RMDN1: variants seen among roughly 807,000 people sequenced by gnomAD.
RMDN1 encodes the protein regulator of microtubule dynamics protein 1.
In RMDN1, 48 loss-of-function variants were observed where a neutral mutation model predicts 48.9. The ratio of observed to expected loss-of-function variants is 0.98; its 90% CI spans 0.78 to 1.25. RMDN1 has a LOEUF of 1.25. Ranked by LOEUF, RMDN1 falls within the 50% of genes most tolerant of loss-of-function variation. The probability of loss-of-function intolerance (pLI) is 0.00; values close to 1 mark genes in which losing one functional copy is unlikely to be tolerated. For missense variants in RMDN1, 418 were observed against 373.4 expected (o/e 1.12, Z -0.98); for synonymous variants, 148 against 132.6 (o/e 1.12, Z -0.80).
intron 2 of RMDN1, chr8:86,504,965 G>C: frequency 7.3e-7 from 1 of 1,378,162 alleles, no homozygotes; most frequent in Non-Finnish European, 1.0e-6. Context: ...ATATCACATG[G>C]GCCTTTAAAA....
chr8:86,480,710 G>T (rs978763376), intron 5 of RMDN1, among the ~76,000 whole-genome samples: 1 of 152,064 alleles, frequency 6.6e-6, no homozygotes, highest in South Asian at 2.1e-4. Context: ...AACTGTAGAT[G>T]AATACTGAAT....
upstream of RMDN1, among the ~76,000 whole-genome samples, chr8:86,510,346 A>G (rs887989175): frequency 6.6e-6 from 1 of 152,178 alleles, no homozygotes; most frequent in Non-Finnish European, 1.5e-5. Flanking sequence ...TTAATTCCCA[A>G]TACTGTCCTT....
intron 2 of RMDN1, among the ~76,000 whole-genome samples, chr8:86,506,201 C>A (rs557242713): frequency 2.3e-4 from 35 of 152,284 alleles, no homozygotes; most frequent in Middle Eastern, 3.4e-3. Flanking sequence ...GGTAGAGATT[C>A]ATTATTTCTC....
rs1374751932 is a variant in RMDN1, at chr8:86,486,626, A to G, written c.353T>C (p.Leu118Pro). Reference protein sequence around the residue: ...QYKESEDAELLWRLARASRDV... With the variant: ...QYKESEDAELPWRLARASRDV... ...ACGTGATGCCCGTGCCAAACGCCAC[A>G]GTAACTCTGCATCTTCACTAATTTG... The change falls in exon 4 of 10, where the codon CTG becomes CCG. Residue 118 changes from leucine (L) to proline (P), a missense_variant. Coordinates refer to ENST00000406452, the MANE Select transcript of RMDN1 (RefSeq NM_016033.3). 2.5e-6 allele frequency: 4 copies of G among 1,591,824 alleles called. No individual in the cohort carries two copies. Among genetic ancestry groups the G allele is most frequent in the Non-Finnish European group, 3.4e-6 (4 of 1,170,694 alleles).
chr8:86,514,184 C>G (rs1165957394), intron 1 of RMDN1: 4 of 878,678 alleles, frequency 4.6e-6, no homozygotes. Context: ...TAAATTTTCT[C>G]AAATATTTAA....
intron 3 of RMDN1, among the ~76,000 whole-genome samples, chr8:86,487,594 T>A (rs949637054): frequency 7.3e-5 from 10 of 137,538 alleles, no homozygotes; most frequent in Middle Eastern, 3.6e-3. Context: ...CTCAAAAAAA[T>A]AAAATAAAAT....
rs148539686 is a variant in RMDN1 at position 86,505,298 on chromosome 8, A to C, written c.247+1697T>G. On this transcript the variant is annotated intron_variant, in intron 2 of 9. Transcript: ENST00000406452. The stretch of plus-strand genomic sequence containing the variant: ...TGCTTAGGAGAGACCAAGTGAACCT[A>C]CCTTCATTTCAGGAGGCAATGGCCA... The C allele has an allele frequency of 2.7e-3, 1,285 of 481,168 alleles. 12 individuals carry two copies. The highest frequency in any genetic ancestry group is 0.022 in the African/African-American group (1,139 of 50,628). The allele number at this position is 481,168 out of a possible 1,614,324, so 29.8% of individuals were successfully genotyped here.
At chr8:86,503,138 G>A (rs1364350852) in intron 2 of RMDN1, among the ~76,000 whole-genome samples, 2 of 151,986 alleles carry the variant, frequency 1.3e-5, no homozygotes, top group African/African-American at 2.4e-5. Context: ...CAGATCATGA[G>A]GTCAGGAGTT....
rs1476947618 is a variant in RMDN1, at chr8:86,473,623, G to A, written c.*685C>T. ...TCTACCAAAAATACAAAAGTTAGCC[G>A]AGTGTGGTGGTACAACCCTGTAATC... is the stretch of plus-strand genomic sequence containing the variant. On this transcript the variant is annotated 3_prime_UTR_variant, in exon 10 of 10. Transcript: ENST00000406452. 3.6e-5 allele frequency: 13 copies of A among 363,966 alleles called. No homozygotes were observed. Among genetic ancestry groups the A allele is most frequent in the Non-Finnish European group, 5.0e-5 (13 of 262,392 alleles). 22.5% of individuals were successfully genotyped at this position (363,966 alleles called of 1,614,324 possible). A position where few individuals can be genotyped will look rare whatever the true frequency, so the allele number is the denominator to read the frequency against.
chr8:86,506,493 C>G (rs1819390106), intron 2 of RMDN1, among the ~76,000 whole-genome samples: 1 of 152,156 alleles, frequency 6.6e-6, no homozygotes, highest in African/African-American at 2.4e-5. Flanking sequence ...AGTCAATGTA[C>G]AGTGTAGCCC....
intron 2 of RMDN1, among the ~76,000 whole-genome samples, chr8:86,492,973 G>C (rs1042498201): frequency 2.7e-5 from 4 of 150,742 alleles, no homozygotes; most frequent in Middle Eastern, 6.8e-3. Flanking sequence ...CAGAAATTTT[G>C]AAGCATGGAA....
chr8:86,505,241 T>G (rs1473650277), intron 2 of RMDN1: 2 of 534,268 alleles, frequency 3.7e-6, no homozygotes, highest in African/African-American at 2.0e-5. Flanking sequence ...TCAATGGTTT[T>G]TTAAATATTT....
At chr8:86,505,875 A>T (rs1457445309) in intron 2 of RMDN1, among the ~76,000 whole-genome samples, 1 of 133,940 alleles carries the variant, frequency 7.5e-6, no homozygotes, top group Non-Finnish European at 1.7e-5. Flanking sequence ...GGAAACTCTT[A>T]ATTTCCCATA....
At chr8:86,488,456 A>G (rs1815864913) in intron 3 of RMDN1, 96 bp downstream of exon 3, 1 of 580,166 alleles carries the variant, frequency 1.7e-6, no homozygotes, top group Admixed American at 3.1e-5. Flanking sequence ...TACAATAATC[A>G]ATTTTTAAAA....
chr8:86,478,225 G>T (rs1049423334), intron 7 of RMDN1: 1 of 152,090 alleles, frequency 6.6e-6, no homozygotes, highest in South Asian at 2.1e-4. Flanking sequence ...AAATATTGGT[G>T]CATTATTTTA....
intron 2 of RMDN1, among the ~76,000 whole-genome samples, chr8:86,497,988 C>T (rs1356463164): frequency 2.0e-5 from 3 of 150,856 alleles, no homozygotes; most frequent in Admixed American, 6.6e-5. Context: ...CCCAGCTACT[C>T]GGGAGGCTGA....
intron 2 of RMDN1, among the ~76,000 whole-genome samples, chr8:86,489,702 C>T (rs1040620496): frequency 4.6e-5 from 7 of 151,892 alleles, no homozygotes; most frequent in Admixed American, 1.3e-4. Flanking sequence ...TGATGGCGTG[C>T]GCCTGTAATC....
intron 5 of RMDN1, chr8:86,482,489 T>C: frequency 1.6e-6 from 1 of 626,234 alleles, no homozygotes; most frequent in Non-Finnish European, 3.0e-6. Flanking sequence ...TTATTCGTTT[T>C]CTTCCTGGTC....
Position 86,508,615 on chromosome 8 carries a change from C to A in RMDN1, c.6G>T (p.Ala2=), listed in dbSNP as rs773931757. 12 of 1,600,220 alleles carry A rather than the reference C, an allele frequency of 7.5e-6. No individual in the cohort carries two copies. In the East Asian group the frequency reaches 2.7e-4, roughly 36 times the overall value. ...GAAGGCGCCACAGTCGAGCAGCCAG[C>A]GCCATGACCTGCAACTTGCGGGCTG... is the stretch of plus-strand genomic sequence containing the variant. M[A]LAARLWRLLP... The change falls in exon 1 of 10, where the codon GCG becomes GCT. Residue 2 remains alanine (A), a synonymous_variant. Coordinates refer to ENST00000406452, the MANE Select transcript of RMDN1 (RefSeq NM_016033.3).
Sources: allele counts gnomAD v4.1 joint callset (sites outside exome capture counted in the v4.1 genomes callset), GRCh38; gene constraint gnomAD v4.1.1; transcripts MANE v1.5; gene names NCBI Gene and HGNC (gene_info 2026-07-23, HGNC 2026-07-21).